DPP10: variants seen among roughly 807,000 people sequenced by gnomAD.
DPP10 encodes dipeptidyl peptidase like 10.
DPP10 carries 33 observed loss-of-function variants against 120.9 expected under a neutral mutation model. That is an observed-to-expected ratio of 0.27 (90% CI 0.21 to 0.37). DPP10 has a LOEUF of 0.37. Ranked by LOEUF, DPP10 falls within the 10% of genes least tolerant of loss-of-function variation. DPP10 has a pLI of 1.00. For missense variants in DPP10, 816 were observed against 942.8 expected (o/e 0.87, Z 1.76); for synonymous variants, 337 against 326.1 (o/e 1.03, Z -0.36).
At chr2:114,983,923 T>C (rs1700241601) in intron 1 of DPP10, among the ~76,000 whole-genome samples, 1 of 152,236 alleles carries the variant, frequency 6.6e-6, no homozygotes, top group African/African-American at 2.4e-5. Context: ...ACCCCAGATA[T>C]TCTGGCTCCA....
intron 1 of DPP10, among the ~76,000 whole-genome samples, chr2:114,472,589 C>G (rs1405424833): frequency 1.3e-5 from 2 of 152,144 alleles, no homozygotes; most frequent in Non-Finnish European, 2.9e-5. Context: ...CAGGCTGCGT[C>G]TCAGCCTAAT....
chr2:114,611,144 A>G (rs1052346002), intron 1 of DPP10, among the ~76,000 whole-genome samples: 1 of 152,090 alleles, frequency 6.6e-6, no homozygotes. Context: ...TAGGCATGAC[A>G]AGGTTCAGGC....
intron 1 of DPP10, among the ~76,000 whole-genome samples, chr2:115,275,325 A>G (rs928231061): frequency 6.6e-6 from 1 of 152,166 alleles, no homozygotes; most frequent in South Asian, 2.1e-4. Flanking sequence ...CCATCCATCT[A>G]TATATATAAC....
intron 1 of DPP10, among the ~76,000 whole-genome samples, chr2:115,157,735 A>G (rs1222953442): frequency 6.6e-6 from 1 of 152,214 alleles, no homozygotes; most frequent in Non-Finnish European, 1.5e-5. Context: ...GATATGAACT[A>G]AAGCTATTTC....
intron 1 of DPP10, among the ~76,000 whole-genome samples, chr2:114,870,530 A>ACAAGACTTTATTCCCATG (rs146055940): frequency 3.5e-5 from 5 of 141,458 alleles, no homozygotes; most frequent in East Asian, 2.7e-4. Context: ...GAAGCTACAA[A>ACAAGACTTTATTCCCATG]AAGTAGTCAG....
At chr2:114,460,936 G>A (rs1340566468) in intron 1 of DPP10, among the ~76,000 whole-genome samples, 1 of 152,150 alleles carries the variant, frequency 6.6e-6, no homozygotes, top group Non-Finnish European at 1.5e-5. Flanking sequence ...CACATTCATG[G>A]CAAATGTGAG....
intron 1 of DPP10, among the ~76,000 whole-genome samples, chr2:114,851,832 A>C (rs11695954): frequency 0.73 from 110,938 of 151,992 alleles, 40,906 homozygotes; most frequent in South Asian, 0.8. Context: ...CACGCATTGC[A>C]AGGAGACTTG....
chr2:114,745,373 T>C (rs1180394352), intron 1 of DPP10, among the ~76,000 whole-genome samples: 1 of 152,128 alleles, frequency 6.6e-6, no homozygotes, highest in Non-Finnish European at 1.5e-5. Context: ...ATTTAATCTA[T>C]CAAACATATG....
intron 1 of DPP10, among the ~76,000 whole-genome samples, chr2:114,512,656 C>T (rs1684242682): frequency 6.6e-6 from 1 of 152,204 alleles, no homozygotes; most frequent in Non-Finnish European, 1.5e-5. Flanking sequence ...CATTGTTTTA[C>T]CTTTACATAT....
chr2:114,664,117 C>T (rs1697707188), intron 1 of DPP10, among the ~76,000 whole-genome samples: 1 of 151,936 alleles, frequency 6.6e-6, no homozygotes, highest in Non-Finnish European at 1.5e-5. Flanking sequence ...CAATCCAGAG[C>T]ATGAGAAACT....
intron 2 of DPP10, among the ~76,000 whole-genome samples, chr2:115,315,754 G>A (rs1175419103): frequency 6.6e-6 from 1 of 152,092 alleles, no homozygotes; most frequent in Non-Finnish European, 1.5e-5. Context: ...CAACAGCACA[G>A]ATTGAACATG....
chr2:115,694,903 C>A (rs529551432), intron 7 of DPP10, among the ~76,000 whole-genome samples: 1 of 152,064 alleles, frequency 6.6e-6, no homozygotes, highest in Non-Finnish European at 1.5e-5. Flanking sequence ...CAATGAGGGC[C>A]CTGTGATGCA....
chr2:115,506,572 A>G (rs1265067384), intron 4 of DPP10, among the ~76,000 whole-genome samples: 1 of 152,058 alleles, frequency 6.6e-6, no homozygotes, highest in Non-Finnish European at 1.5e-5. Flanking sequence ...ATGATCCTTT[A>G]GTTTTTTATA....
At chr2:115,193,122 A>G (rs913865504) in intron 1 of DPP10, among the ~76,000 whole-genome samples, 11 of 152,196 alleles carry the variant, frequency 7.2e-5, no homozygotes, top group Admixed American at 1.3e-4. Flanking sequence ...AGGCCGAATT[A>G]CTTTTAAATT....
intron 5 of DPP10, among the ~76,000 whole-genome samples, chr2:115,676,874 C>G (rs995978067): frequency 3.3e-5 from 5 of 152,136 alleles, no homozygotes; most frequent in Admixed American, 6.5e-5. Context: ...AAAATGTCCT[C>G]TCTGAAGTAC....
At chr2:115,800,915 C>T (rs1189854679) in intron 19 of DPP10, among the ~76,000 whole-genome samples, 2,228 of 149,160 alleles carry the variant, frequency 0.015, 27 homozygotes, top group African/African-American at 0.05. Context: ...CTTGGCAATG[C>T]GGGCTCTTTT....
chr2:115,161,054 T>C (rs1465556640), intron 1 of DPP10: 7 of 152,264 alleles, frequency 4.6e-5, no homozygotes, highest in African/African-American at 1.7e-4. Context: ...AAAAAAGAAA[T>C]GAGTATCAGA....
intron 1 of DPP10, among the ~76,000 whole-genome samples, chr2:115,061,730 A>G (rs1034772521): frequency 1.3e-5 from 2 of 152,184 alleles, no homozygotes; most frequent in Non-Finnish European, 2.9e-5. Flanking sequence ...TCCAAAGATC[A>G]TTTGAGGCAG....
intron 1 of DPP10, among the ~76,000 whole-genome samples, chr2:115,055,374 T>C (rs1705818961): frequency 1.3e-5 from 2 of 152,202 alleles, no homozygotes; most frequent in Non-Finnish European, 2.9e-5. Context: ...TGGAAATGTT[T>C]TGTTGTTTTG....
Sources: allele counts gnomAD v4.1 joint callset (sites outside exome capture counted in the v4.1 genomes callset), GRCh38; gene constraint gnomAD v4.1.1; transcripts MANE v1.5; gene names NCBI Gene and HGNC (gene_info 2026-07-23, HGNC 2026-07-21).